LRRK2: variants seen among roughly 807,000 people sequenced by gnomAD.
LRRK2 encodes leucine rich repeat kinase 2.
Under a neutral mutation model 302.6 loss-of-function variants are expected in LRRK2, and 203 were observed. That is an observed-to-expected ratio of 0.67 (90% CI 0.60 to 0.75). The LOEUF is 0.75. Ranked by LOEUF, LRRK2 falls within the 30% of genes least tolerant of loss-of-function variation. The pLI, the probability that LRRK2 is intolerant of heterozygous loss-of-function variation, is 0.00. For missense variants in LRRK2, 2,830 were observed against 2,951.0 expected, an observed-to-expected ratio of 0.96 and a Z score of 0.95; for synonymous variants, 1,066 against 1,031.9, an observed-to-expected ratio of 1.03 and a Z score of -0.63.
chr12:40,367,736 G>A lies in LRRK2; in HGVS notation c.7555G>A (p.Glu2519Lys). The A allele has an allele frequency of 6.2e-7, 1 of 1,604,598 alleles. No homozygotes were observed. Among genetic ancestry groups the A allele is most frequent in the African/African-American group, 1.3e-5 (1 of 74,608 alleles). The change falls in exon 51 of 51, where the codon GAA (glutamate) becomes AAA (lysine). Residue 2519 changes from glutamate to lysine, a missense_variant. Glu to Lys is a moderately conservative substitution (Grantham distance 56). Around this residue, in one of 3 missense-constraint regions of LRRK2, gnomAD observed 456 missense variants for 456.3 expected, o/e 1.00. Transcript: ENST00000298910. ...CATTGAAGTGAGAAAAGAATTAGCT[G>A]AAAAAATGAGACGAACATCTGTTGA... ...KHIEVRKELA[E>K]KMRRTSVE
intron 36 of LRRK2, 36 bp downstream of exon 36, chr12:40,322,217 A>C: frequency 1.3e-6 from 2 of 1,585,186 alleles, no homozygotes; most frequent in South Asian, 1.2e-5. Flanking sequence ...CAATTGCAAC[A>C]CTAAAGAAAT....
intron 47 of LRRK2, among the ~76,000 whole-genome samples, chr12:40,361,137 T>G (rs1371905567): frequency 6.6e-6 from 1 of 152,058 alleles, no homozygotes; most frequent in Non-Finnish European, 1.5e-5. Flanking sequence ...ATCAGATTTT[T>G]TTTTTCAGGT....
intron 42 of LRRK2, 54 bp from the exon 43 acceptor site, chr12:40,348,355 T>C (rs1293919920): frequency 4.1e-5 from 50 of 1,220,414 alleles, no homozygotes; most frequent in Non-Finnish European, 6.1e-5. Flanking sequence ...TGAGAGGAAA[T>C]ATAACCATTC....
At position 40,352,989 on chromosome 12, in the gene LRRK2, G is replaced by A. The variant is rs12811206; in HGVS notation, c.6576+1256G>A. On this transcript the variant is annotated intron_variant, in intron 44 of 50. Transcript: ENST00000298910. ...GAGCTGCTGGGTACACCTCCCAGACGGGGTGGCAGCCGGGCAGAGGGGCTC... is the reference window on the plus strand; with the variant it reads ...GAGCTGCTGGGTACACCTCCCAGACAGGGTGGCAGCCGGGCAGAGGGGCTC... 3.6e-4 allele frequency among the ~76,000 whole-genome samples: 55 copies of A among 152,358 alleles called. 1 individual carries two copies. The highest frequency in any genetic ancestry group is 2.9e-3 in the South Asian group (14 of 4,828).
At chr12:40,308,067 A>G (rs1944895664) in intron 28 of LRRK2, among the ~76,000 whole-genome samples, 1 of 152,030 alleles carries the variant, frequency 6.6e-6, no homozygotes, top group Admixed American at 6.6e-5. Flanking sequence ...GGTGCGAGCC[A>G]CCGCACCTGG....
intron 14 of LRRK2, among the ~76,000 whole-genome samples, chr12:40,272,684 G>C (rs1157265363): frequency 1.3e-5 from 2 of 152,136 alleles, no homozygotes. Context: ...AAGGAGATGG[G>C]TAAAGGAATG....
At chr12:40,229,754 T>A (rs1330206508) in intron 2 of LRRK2, among the ~76,000 whole-genome samples, 1 of 152,206 alleles carries the variant, frequency 6.6e-6, no homozygotes, top group Non-Finnish European at 1.5e-5. Context: ...ATTGAATAGA[T>A]TAATGGATCA....
chr12:40,265,609 T>G (rs1278273245), intron 14 of LRRK2, among the ~76,000 whole-genome samples: 1 of 152,170 alleles, frequency 6.6e-6, no homozygotes, highest in Non-Finnish European at 1.5e-5. Context: ...CTGTACATGC[T>G]TGTTCATATA....
chr12:40,353,203 G>A lies in LRRK2; in HGVS notation c.6577-1096G>A, dbSNP rs868525246. 1.3e-3 allele frequency among the ~76,000 whole-genome samples: 184 copies of A among 147,056 alleles called. 1 individual carries two copies. The highest frequency in any genetic ancestry group is 2.5e-3 in the African/African-American group (101 of 39,906). Reference sequence around the variant, plus strand: ...TTCTCCGACGGGGCGGCTGCTGGGCGGAGGGGCTCCTCACTTCTCAGACGG... The same window carrying A: ...TTCTCCGACGGGGCGGCTGCTGGGCAGAGGGGCTCCTCACTTCTCAGACGG... On this transcript the variant is annotated intron_variant, in intron 44 of 50. Transcript: ENST00000298910.
Position 40,299,104 on chromosome 12 carries a change from A to C in LRRK2, c.3348-5A>C, listed in dbSNP as rs1051604147. ...TTTAATCATTATCTTGTCTCTTGTG[A>C]CTAGAAATAAAATATCAGGGATATG... On this transcript the variant is annotated splice_region_variant and splice_polypyrimidine_tract_variant and intron_variant, in intron 24 of 50. Transcript: ENST00000298910. The C allele has an allele frequency of 6.2e-7, 1 of 1,612,302 alleles. No individual in the cohort carries two copies. The highest frequency in any genetic ancestry group is 8.5e-7 in the Non-Finnish European group (1 of 1,179,182).
chr12:40,363,953 G>A (rs1479059705), intron 48 of LRRK2, among the ~76,000 whole-genome samples: 1 of 151,808 alleles, frequency 6.6e-6, no homozygotes, highest in Non-Finnish European at 1.5e-5. Flanking sequence ...AGACAAATAT[G>A]GGGGGAAATG....
rs769272461 is a variant in LRRK2 at position 40,238,034 on chromosome 12, C to T, written c.502C>T (p.His168Tyr). The part of the protein sequence containing the change: ...DIFMLIFDAM[H>Y]SFPANDEVQK... ...TTTCATGTTAATTTTTGATGCCATG[C>T]ACTCATTTCCAGCCAATGATGAAGT... Residue 168 changes from histidine (H) to tyrosine (Y), a missense_variant, in exon 5 of 51, where the codon CAC becomes TAC. Physicochemically the swap from His to Tyr is moderately conservative, Grantham distance 83. Around this residue, in one of 3 missense-constraint regions of LRRK2, gnomAD observed 2,121 missense variants for 2,148.0 expected, o/e 0.99. Coordinates refer to ENST00000298910, the MANE Select transcript of LRRK2 (RefSeq NM_198578.4). The T allele has an allele frequency of 6.2e-7, 1 of 1,613,374 alleles. No homozygotes were observed. Among genetic ancestry groups the T allele is most frequent in the Non-Finnish European group, 8.5e-7 (1 of 1,179,498 alleles).
intron 6 of LRRK2, among the ~76,000 whole-genome samples, chr12:40,242,187 G>A (rs1355832890): frequency 6.6e-6 from 1 of 152,032 alleles, no homozygotes; most frequent in East Asian, 1.9e-4. Flanking sequence ...CAGTCTTTAA[G>A]TCTATTGTTC....
chr12:40,351,734 G>T lies in LRRK2; in HGVS notation c.6576+1G>T. On this transcript the variant is annotated splice_donor_variant, in intron 44 of 50. Transcript: ENST00000298910. LOFTEE classifies it high-confidence loss of function. ...AAATACTGAAGGATACACTTCTGAG[G>T]TAAATCCAAATGCTCTTTAAATCTT... 1 of 1,613,900 alleles carries T rather than the reference G, an allele frequency of 6.2e-7. No homozygotes were observed. The highest frequency in any genetic ancestry group is 8.5e-7 in the Non-Finnish European group (1 of 1,179,810).
chr12:40,241,639 A>G (rs1023153964), intron 6 of LRRK2, among the ~76,000 whole-genome samples: 5 of 152,200 alleles, frequency 3.3e-5, no homozygotes, highest in African/African-American at 1.2e-4. Flanking sequence ...TGTACCTGGT[A>G]TGTAATAAGT....
intron 2 of LRRK2, among the ~76,000 whole-genome samples, 182 bp from the exon 3 acceptor site, chr12:40,232,092 C>T (rs1056177078): frequency 6.6e-6 from 1 of 152,020 alleles, no homozygotes; most frequent in Non-Finnish European, 1.5e-5. Context: ...AAGGTGTATC[C>T]TAAGAATACG....
chr12:40,293,096 TC>T (rs1359693918), intron 20 of LRRK2, among the ~76,000 whole-genome samples: 1 of 151,584 alleles, frequency 6.6e-6, no homozygotes, highest in Non-Finnish European at 1.5e-5. Flanking sequence ...TAGACCCTAT[TC>T]CAGCGGTCTC....
At chr12:40,306,273 A>G (rs1397434898) in intron 28 of LRRK2, among the ~76,000 whole-genome samples, 1 of 151,884 alleles carries the variant, frequency 6.6e-6, no homozygotes. Flanking sequence ...CCAATTACAC[A>G]ATCTAAAGAA....
At chr12:40,322,562 T>G in intron 37 of LRRK2, 52 bp downstream of exon 37, 1 of 1,487,470 alleles carries the variant, frequency 6.7e-7, no homozygotes, top group East Asian at 2.3e-5. Flanking sequence ...TCAATACTTA[T>G]GAAGTGACTT....
Sources: allele counts gnomAD v4.1 joint callset (sites outside exome capture counted in the v4.1 genomes callset), GRCh38; gene constraint gnomAD v4.1.1; regional missense constraint gnomAD v4.1.1; transcripts MANE v1.5; gene names NCBI Gene and HGNC (gene_info 2026-07-23, HGNC 2026-07-21).